BST1: variants seen among roughly 807,000 people sequenced by gnomAD.
BST1 encodes the protein bone marrow stromal cell antigen 1, also known as ADP-ribosyl cyclase/cyclic ADP-ribose hydrolase 2.
In BST1, 49 loss-of-function variants were observed where a neutral mutation model predicts 40.6. The ratio of observed to expected loss-of-function variants is 1.21; its 90% CI spans 0.96 to 1.53. The LOEUF (loss-of-function observed/expected upper bound fraction) is 1.53. BST1 is among the 40% of genes most tolerant of loss of function. The pLI, the probability that BST1 is intolerant of heterozygous loss-of-function variation, is 0.00. For missense variants in BST1, 423 were observed against 395.9 expected, an observed-to-expected ratio of 1.07 and a Z score of -0.58; for synonymous variants, 157 against 159.3, an observed-to-expected ratio of 0.99 and a Z score of 0.11.
chr4:15,756,785 C>CA, the BST1 span, among the ~76,000 whole-genome samples: 1 of 152,108 alleles, frequency 6.6e-6, no homozygotes, highest in African/African-American at 2.4e-5. Flanking sequence ...GTGCAATGGC[C>CA]AGCCATATCT....
chr4:15,772,605 A>G, the BST1 span, among the ~76,000 whole-genome samples: 1 of 152,264 alleles, frequency 6.6e-6, no homozygotes, highest in South Asian at 2.1e-4. Flanking sequence ...GGTCCAGACC[A>G]GAGCCTCTGA....
the BST1 span, among the ~76,000 whole-genome samples, chr4:15,773,939 G>T: frequency 3.9e-5 from 6 of 152,128 alleles, no homozygotes; most frequent in Non-Finnish European, 5.9e-5. Flanking sequence ...GGTGTTAGGG[G>T]CTGAATGGTG....
chr4:15,720,884 G>C (rs567204661), intron 7 of BST1, among the ~76,000 whole-genome samples: 3 of 152,310 alleles, frequency 2.0e-5, no homozygotes, highest in South Asian at 4.1e-4. Flanking sequence ...GAAAATTGTA[G>C]CTAAAATTGT....
At chr4:15,751,542 A>G in the BST1 span, among the ~76,000 whole-genome samples, 311 of 152,312 alleles carry the variant, frequency 2.0e-3, 2 homozygotes, top group African/African-American at 7.0e-3. Flanking sequence ...TACTCTTCCT[A>G]CATAGTGGAG....
the BST1 span, chr4:15,743,417 A>T: frequency 3.6e-6 from 1 of 275,174 alleles, no homozygotes; most frequent in African/African-American, 2.3e-5. Context: ...AAGAATGTTT[A>T]TTCTTCAATC....
At chr4:15,711,646 C>A (rs1353153433) in intron 3 of BST1, among the ~76,000 whole-genome samples, 161 bp from the exon 4 acceptor site, 1 of 152,156 alleles carries the variant, frequency 6.6e-6, no homozygotes, top group Non-Finnish European at 1.5e-5. Flanking sequence ...TCACCAGGCT[C>A]CTTGTGGATT....
At chr4:15,764,033 G>A in the BST1 span, among the ~76,000 whole-genome samples, 72 of 152,076 alleles carry the variant, frequency 4.7e-4, 1 homozygote, top group Middle Eastern at 3.4e-3. Flanking sequence ...AAGAGTGAGC[G>A]CTAATGTAAA....
At chr4:15,728,229 T>C (rs757436745) in intron 8 of BST1, among the ~76,000 whole-genome samples, 160 of 151,926 alleles carry the variant, frequency 1.1e-3, no homozygotes, top group Non-Finnish European at 2.0e-3. Context: ...AATAGTGGGG[T>C]AAAGGGCTTT....
rs376705901 is a variant in BST1, at chr4:15,722,024, T to C, written c.792-851T>C. On this transcript the variant is annotated intron_variant, in intron 7 of 8. Coordinates refer to ENST00000265016, the MANE Select transcript of BST1 (RefSeq NM_004334.3). Reference sequence around the variant, plus strand: ...GCTCCTGTCTTCATTGCTGCTTCCCTTCCCCTCCTGGTGGCTTGGAACTTC... The same window carrying C: ...GCTCCTGTCTTCATTGCTGCTTCCCCTCCCCTCCTGGTGGCTTGGAACTTC... 6.1e-4 allele frequency among the ~76,000 whole-genome samples: 93 copies of C among 152,240 alleles called. 1 individual carries two copies. Among genetic ancestry groups the C allele is most frequent in the African/African-American group, 2.1e-3 (88 of 41,550 alleles).
At chr4:15,722,021 C>G (rs1386740830) in intron 7 of BST1, among the ~76,000 whole-genome samples, 4 of 152,166 alleles carry the variant, frequency 2.6e-5, no homozygotes, top group African/African-American at 7.2e-5. Context: ...ATTGCTGCTT[C>G]CCTTCCCCTC....
At chr4:15,735,293 C>G (rs557398905), downstream of BST1, among the ~76,000 whole-genome samples, 1 of 152,312 alleles carries the variant, frequency 6.6e-6, no homozygotes, top group South Asian at 2.1e-4. Context: ...GGGTCCTTGC[C>G]TAACTTCACC....
intron 7 of BST1, among the ~76,000 whole-genome samples, chr4:15,720,905 A>G (rs1050058327): frequency 3.9e-5 from 6 of 152,060 alleles, no homozygotes; most frequent in African/African-American, 1.4e-4. Context: ...TGCATTCACA[A>G]CCACTTTGCT....
chr4:15,742,765 C>T (rs1034360482), downstream of BST1, among the ~76,000 whole-genome samples: 1 of 152,236 alleles, frequency 6.6e-6, no homozygotes, highest in African/African-American at 2.4e-5. Context: ...AGGCTGTTAT[C>T]ACTGAAGGAA....
chr4:15,731,906 T>G lies in BST1; in HGVS notation c.*61T>G. 1 of 1,562,930 alleles carries G rather than the reference T, an allele frequency of 6.4e-7. No individual in the cohort carries two copies. The highest frequency in any genetic ancestry group is 8.7e-7 in the Non-Finnish European group (1 of 1,153,330). ...TGCAGCCTCCCCTTGCAGTCATCAT[T>G]CGTGTTCTGTGTATACCAAATGATT... On this transcript the variant is annotated 3_prime_UTR_variant, in exon 9 of 9. Coordinates refer to ENST00000265016, the MANE Select transcript of BST1 (RefSeq NM_004334.3).
chr4:15,738,054 G>A (rs919539482), exon 7 of BST1: 3 of 297,318 alleles, frequency 1.0e-5, no homozygotes, highest in African/African-American at 6.6e-5. Context: ...GATTATATAT[G>A]TGTCCAAACC....
At chr4:15,751,389 T>G in the BST1 span, among the ~76,000 whole-genome samples, 1 of 152,134 alleles carries the variant, frequency 6.6e-6, no homozygotes, top group Non-Finnish European at 1.5e-5. Context: ...CAAGCTGGGT[T>G]GACTATTACA....
rs1721395924 is a variant in BST1 at position 15,731,993 on chromosome 4, G to A, written c.*148G>A. 7.3e-7 allele frequency: 1 copy of A among 1,371,764 alleles called. No individual in the cohort carries two copies. The highest frequency in any genetic ancestry group is 1.5e-5 in the African/African-American group (1 of 67,560). The allele number at this position is 1,371,764 out of a possible 1,614,324, so 85.0% of individuals were successfully genotyped here. A position where few individuals can be genotyped will look rare whatever the true frequency, so the allele number is the denominator to read the frequency against. ...GTCCTGAAAATGGTATTTCAATGAG[G>A]CATATGTTCAGGATTTCAGAAACAA... On this transcript the variant is annotated 3_prime_UTR_variant, in exon 9 of 9. Coordinates refer to ENST00000265016, the MANE Select transcript of BST1 (RefSeq NM_004334.3).
At chr4:15,729,224 G>A (rs1721264564) in intron 8 of BST1, among the ~76,000 whole-genome samples, 2 of 152,168 alleles carry the variant, frequency 1.3e-5, no homozygotes, top group South Asian at 4.1e-4. Flanking sequence ...GTTCAGTGCG[G>A]GAGGATCACT....
intron 4 of BST1, 87 bp from the exon 5 acceptor site, chr4:15,715,198 A>G: frequency 8.3e-7 from 1 of 1,200,590 alleles, no homozygotes; most frequent in Non-Finnish European, 1.2e-6. Context: ...GCCATTATTT[A>G]GAACTGACAA....
Sources: gnomAD v4.1 joint callset for allele counts (sites outside exome capture counted in the v4.1 genomes callset) on GRCh38, gnomAD v4.1.1 for gene constraint, MANE v1.5 for transcripts, NCBI Gene and HGNC (gene_info 2026-07-23, HGNC 2026-07-21) for gene names.